Variants in ASIC2 observed in about 807,000 individuals in gnomAD.
ASIC2 encodes acid-sensing ion channel 2.
ASIC2 carries 25 observed loss-of-function variants against 57.3 expected under a neutral mutation model. That is an observed-to-expected ratio of 0.44 (90% confidence interval 0.32 to 0.61). The LOEUF is 0.61. Among genes scored for constraint, ASIC2 ranks in the 20% least tolerant of loss-of-function variants. The pLI is 0.06. For missense variants in ASIC2, 641 were observed against 738.1 expected, an observed-to-expected ratio of 0.87 and a Z score of 1.52; for synonymous variants, 319 against 307.5, an observed-to-expected ratio of 1.04 and a Z score of -0.39.
At chr17:33,246,429 T>G (rs1256107613) in intron 1 of ASIC2, among the ~76,000 whole-genome samples, 1 of 152,184 alleles carries the variant, frequency 6.6e-6, no homozygotes, top group East Asian at 1.9e-4. Flanking sequence ...TGCTGACCCC[T>G]TCATCCCCTT....
intron 1 of ASIC2, among the ~76,000 whole-genome samples, chr17:33,698,989 G>A (rs113261214): frequency 0.014 from 2,172 of 152,172 alleles, 18 homozygotes; most frequent in Non-Finnish European, 0.024. Context: ...CTCCTCATTG[G>A]GAGACTTCAC....
In ASIC2 at chr17:33,086,613, C is replaced by T. The variant is rs1262592735; in HGVS notation, c.987+2250G>A. Among the ~76,000 whole-genome samples the T allele has an allele frequency of 5.3e-5, 8 of 152,288 alleles. No individual in the cohort carries two copies. The East Asian group carries it at 1.5e-3, about 29-fold the overall frequency. On this transcript the variant is annotated intron_variant, in intron 3 of 9. Coordinates refer to ENST00000225823, the MANE Select transcript of ASIC2 (RefSeq NM_183377.2). ...GCCCTCTTCTCTTCTAAGCCTCACC[C>T]TTAGTTGGCCTATGAAGACTTGAAC...
chr17:33,817,541 G>C (rs1912620300), intron 1 of ASIC2, among the ~76,000 whole-genome samples: 1 of 152,112 alleles, frequency 6.6e-6, no homozygotes, highest in South Asian at 2.1e-4. Context: ...GAAAAACAGT[G>C]CCATTTCAGA....
intron 1 of ASIC2, among the ~76,000 whole-genome samples, chr17:33,275,643 T>C (rs1029743552): frequency 1.3e-5 from 2 of 152,338 alleles, no homozygotes; most frequent in Non-Finnish European, 1.5e-5. Flanking sequence ...CCTAGAGTTG[T>C]GCAAATCCAA....
intron 1 of ASIC2, among the ~76,000 whole-genome samples, chr17:33,499,905 C>T (rs913311145): frequency 4.6e-5 from 7 of 152,182 alleles, no homozygotes; most frequent in Non-Finnish European, 1.0e-4. Flanking sequence ...GGCATACCTG[C>T]ATCAGGCCGC....
In ASIC2 at chr17:33,708,345, A is replaced by AT. The variant is rs544055705; in HGVS notation, c.555+447632dup. ...ATGCAAAGTTAAATTTTAGTTATCC[A>AT]TCTGTCTTCTAACATCCAAAGTTAT... On this transcript the variant is annotated intron_variant, in intron 1 of 9. Transcript: ENST00000359872. Among the ~76,000 whole-genome samples, 112 of 152,236 alleles carry AT rather than the reference A, an allele frequency of 7.4e-4. 1 individual carries two copies. In the South Asian group the frequency reaches 0.011, roughly 15 times the overall value.
chr17:34,097,935 G>T (rs1598023197), intron 1 of ASIC2, among the ~76,000 whole-genome samples: 1 of 152,088 alleles, frequency 6.6e-6, no homozygotes, highest in African/African-American at 2.4e-5. Flanking sequence ...GCCCACTATG[G>T]GAGTAGTTCT....
intron 1 of ASIC2, among the ~76,000 whole-genome samples, chr17:33,669,128 C>T (rs1181850942): frequency 6.6e-6 from 1 of 152,154 alleles, no homozygotes; most frequent in African/African-American, 2.4e-5. Context: ...TTGTTGGAAG[C>T]CTGTTCCCTA....
At chr17:33,058,190 C>A (rs900012956) in intron 3 of ASIC2, among the ~76,000 whole-genome samples, 1 of 152,144 alleles carries the variant, frequency 6.6e-6, no homozygotes. Context: ...TATACACAAG[C>A]TTATTTATCC....
At chr17:33,584,580 G>C (rs1395483091) in intron 1 of ASIC2, among the ~76,000 whole-genome samples, 1 of 152,142 alleles carries the variant, frequency 6.6e-6, no homozygotes. Context: ...CTTGGCACAG[G>C]TGAGGCAGAT....
intron 1 of ASIC2, among the ~76,000 whole-genome samples, chr17:33,865,387 G>A (rs761466369): frequency 6.6e-6 from 1 of 152,096 alleles, no homozygotes; most frequent in Non-Finnish European, 1.5e-5. Flanking sequence ...TAAAGTAATA[G>A]ATGTTGTTAA....
intron 1 of ASIC2, among the ~76,000 whole-genome samples, chr17:33,215,748 G>A (rs364348): frequency 0.7 from 105,742 of 150,930 alleles, 37,288 homozygotes; most frequent in Non-Finnish European, 0.75. Context: ...CGCCCAGGCT[G>A]GAATGCAGTG....
At chr17:33,677,315 C>T (rs1907857292) in intron 1 of ASIC2, among the ~76,000 whole-genome samples, 1 of 152,194 alleles carries the variant, frequency 6.6e-6, no homozygotes, top group Non-Finnish European at 1.5e-5. Context: ...TAGGAGGTGA[C>T]TTAAGTTGAA....
At chr17:33,795,026 T>C (rs1911876321) in intron 1 of ASIC2, among the ~76,000 whole-genome samples, 1 of 152,246 alleles carries the variant, frequency 6.6e-6, no homozygotes, top group East Asian at 1.9e-4. Context: ...CAAGTCTGCA[T>C]TTATTAGGCA....
At chr17:33,385,254 G>A (rs1183619305) in intron 1 of ASIC2, among the ~76,000 whole-genome samples, 1 of 152,182 alleles carries the variant, frequency 6.6e-6, no homozygotes, top group Non-Finnish European at 1.5e-5. Context: ...TCTTCAGCCT[G>A]GGTTTTTCCC....
chr17:33,661,435 T>C (rs1468571998), intron 1 of ASIC2, among the ~76,000 whole-genome samples: 1 of 152,222 alleles, frequency 6.6e-6, no homozygotes, highest in Non-Finnish European at 1.5e-5. Context: ...ATCATCTTTG[T>C]AGAATAAATA....
At chr17:33,787,258 A>C (rs1309438923) in intron 1 of ASIC2, among the ~76,000 whole-genome samples, 2 of 152,218 alleles carry the variant, frequency 1.3e-5, no homozygotes, top group Non-Finnish European at 2.9e-5. Context: ...TCCCAGAGCT[A>C]TTACTACCTT....
chr17:33,958,631 G>A (rs1401839652), intron 1 of ASIC2, among the ~76,000 whole-genome samples: 1 of 152,132 alleles, frequency 6.6e-6, no homozygotes, highest in African/African-American at 2.4e-5. Context: ...GCTGCACACT[G>A]AAGGGGGGGT....
chr17:33,769,316 G>A (rs559983463), intron 1 of ASIC2, among the ~76,000 whole-genome samples: 6 of 152,214 alleles, frequency 3.9e-5, no homozygotes, highest in Admixed American at 2.0e-4. Flanking sequence ...AGTGTTGGCC[G>A]TGGGTTCTGC....
Sources: allele counts gnomAD v4.1 joint callset (sites outside exome capture counted in the v4.1 genomes callset), GRCh38; gene constraint gnomAD v4.1.1; transcripts MANE v1.5; gene names NCBI Gene and HGNC (gene_info 2026-07-23, HGNC 2026-07-21).